The following DCAF1 variants were observed in gnomAD, a reference collection of about 807,000 sequenced individuals.
DCAF1 encodes the protein DDB1- and CUL4-associated factor 1.
DCAF1 carries 15 observed loss-of-function variants against 128.0 expected under a neutral mutation model. The ratio of observed to expected loss-of-function variants is 0.12; its 90% CI spans 0.08 to 0.18. DCAF1 has a LOEUF of 0.18. DCAF1 is among the 10% of genes least tolerant of loss of function. The pLI, the probability that DCAF1 is intolerant of heterozygous loss-of-function variation, is 1.00. For missense variants in DCAF1, 988 were observed against 1,649.5 expected (o/e 0.60, Z 6.95); for synonymous variants, 610 against 603.0 (o/e 1.01, Z -0.17).
chr3:51,422,752 T>C (rs1445703046), intron 13 of DCAF1, among the ~76,000 whole-genome samples: 1 of 152,084 alleles, frequency 6.6e-6, no homozygotes, highest in Non-Finnish European at 1.5e-5. Context: ...GAGTAGAAAT[T>C]AGTACACTCT....
At chr3:51,491,180 C>G (rs924400520) in intron 2 of DCAF1, among the ~76,000 whole-genome samples, 1 of 151,270 alleles carries the variant, frequency 6.6e-6, no homozygotes, top group Non-Finnish European at 1.5e-5. Context: ...AAACCCCATC[C>G]CCAGTAAAAA....
At chr3:51,433,299 T>C (rs2107587147) in intron 9 of DCAF1, 35 bp from the exon 10 acceptor site, 2 of 398,426 alleles carry the variant, frequency 5.0e-6, no homozygotes, top group East Asian at 3.6e-5. Flanking sequence ...CACAAAATAA[T>C]CTAGAAAATT....
intron 6 of DCAF1, among the ~76,000 whole-genome samples, chr3:51,446,996 T>TAATAATAATAATAAA (rs1701931387): frequency 1.4e-5 from 2 of 148,080 alleles, no homozygotes; most frequent in African/African-American, 2.5e-5. Context: ...ATAATAATAA[T>TAATAATAATAATAAA]AATAAAATGT....
upstream of DCAF1, among the ~76,000 whole-genome samples, chr3:51,505,009 C>A (rs1708906974): frequency 6.6e-6 from 1 of 152,030 alleles, no homozygotes; most frequent in African/African-American, 2.4e-5. Flanking sequence ...ACGCCATAAT[C>A]CCAGCACTTT....
intron 6 of DCAF1, among the ~76,000 whole-genome samples, chr3:51,462,250 T>C (rs1703676583): frequency 6.6e-6 from 1 of 151,258 alleles, no homozygotes; most frequent in South Asian, 2.1e-4. Context: ...GGTGAAACGC[T>C]GTCTCTACTA....
intron 6 of DCAF1, among the ~76,000 whole-genome samples, chr3:51,454,924 C>T (rs1361563820): frequency 3.3e-5 from 5 of 152,160 alleles, no homozygotes; most frequent in African/African-American, 9.7e-5. Context: ...CTGCCCACCT[C>T]GGCCTCCCAA....
chr3:51,434,131 G>A (rs1271401306), intron 9 of DCAF1, among the ~76,000 whole-genome samples: 3 of 151,746 alleles, frequency 2.0e-5, no homozygotes, highest in Non-Finnish European at 4.4e-5. Flanking sequence ...GTCAGGCAGG[G>A]TGTCTCACTC....
At chr3:51,430,451 G>GCCAACAAAT (rs1700267710) in intron 10 of DCAF1, among the ~76,000 whole-genome samples, 1 of 152,154 alleles carries the variant, frequency 6.6e-6, no homozygotes, top group Non-Finnish European at 1.5e-5. Flanking sequence ...CTTACTGAGT[G>GCCAACAAAT]CCAACAAATA....
intron 6 of DCAF1, among the ~76,000 whole-genome samples, chr3:51,448,757 C>T (rs1475939664): frequency 2.6e-5 from 4 of 152,120 alleles, no homozygotes; most frequent in Admixed American, 6.6e-5. Context: ...CTTTCAATTA[C>T]GATTAAGACA....
At chr3:51,427,129 G>A (rs782564443) in intron 13 of DCAF1, among the ~76,000 whole-genome samples, 1 of 152,126 alleles carries the variant, frequency 6.6e-6, no homozygotes, top group Admixed American at 6.6e-5. Flanking sequence ...TACCTTCTCC[G>A]ACAGTACAGA....
In DCAF1 at chr3:51,404,405, G is replaced by T. The variant is rs187106689; in HGVS notation, c.4213-1010C>A. Among the ~76,000 whole-genome samples, 592 of 152,128 alleles carry T rather than the reference G, an allele frequency of 3.9e-3. 4 individuals carry two copies. The highest frequency in any genetic ancestry group is 7.7e-3 in the Admixed American group (118 of 15,302). On this transcript the variant is annotated intron_variant, in intron 23 of 24. Transcript: ENST00000684031. Reference sequence around the variant, plus strand: ...ACGTAAGCACAAAAAAATTTTTTTTGTTCTTATTATTTTAAAACTTATACT... The same window carrying T: ...ACGTAAGCACAAAAAAATTTTTTTTTTTCTTATTATTTTAAAACTTATACT...
intron 23 of DCAF1, among the ~76,000 whole-genome samples, chr3:51,406,030 T>C (rs1439911674): frequency 1.3e-5 from 2 of 151,800 alleles, no homozygotes; most frequent in Non-Finnish European, 2.9e-5. Context: ...TGAGATCCCA[T>C]TTCTTTGAAA....
intron 3 of DCAF1, among the ~76,000 whole-genome samples, chr3:51,483,451 A>C (rs1559568845): frequency 6.6e-6 from 1 of 152,114 alleles, no homozygotes; most frequent in Admixed American, 6.6e-5. Context: ...AAAAAAAAAA[A>C]TTAAATTAAA....
At chr3:51,471,797 G>T (rs1227803624) in intron 3 of DCAF1, among the ~76,000 whole-genome samples, 1 of 151,962 alleles carries the variant, frequency 6.6e-6, no homozygotes, top group Non-Finnish European at 1.5e-5. Context: ...AACCTGGGAG[G>T]TGGAGGTTGC....
At chr3:51,400,245 G>T (rs1460691362) in intron 24 of DCAF1, among the ~76,000 whole-genome samples, 1 of 152,206 alleles carries the variant, frequency 6.6e-6, no homozygotes, top group Non-Finnish European at 1.5e-5. Flanking sequence ...CTCCTCTGCT[G>T]TAAGAGCTCC....
upstream of DCAF1, among the ~76,000 whole-genome samples, chr3:51,502,518 C>T (rs2108656586): frequency 6.6e-6 from 1 of 152,186 alleles, no homozygotes. Flanking sequence ...CATTGTGCCA[C>T]TGCACTCCAG....
intron 6 of DCAF1, among the ~76,000 whole-genome samples, chr3:51,447,259 A>C (rs1449608975): frequency 2.0e-5 from 3 of 151,830 alleles, no homozygotes; most frequent in African/African-American, 4.8e-5. Context: ...AAATTACAAA[A>C]ATTGGCTGGG....
In DCAF1 at chr3:51,441,385, C is replaced by T; in HGVS notation, c.1026G>A (p.Glu342=). The change falls in exon 8 of 25, where the codon GAG becomes GAA. Residue 342 remains glutamate, a splice_region_variant and synonymous_variant. Coordinates refer to ENST00000684031, the MANE Select transcript of DCAF1 (RefSeq NM_001387579.1). ...ACAGTACTCTTCCCAATAAGCTTAC[C>T]TCCTGATATTCTCCTAGAGGGGTCA... ...QYLTPLGEYQ[E]LLPIFMQLGS... 1 of 1,610,992 alleles carries T rather than the reference C, an allele frequency of 6.2e-7. No homozygotes were observed. The highest frequency in any genetic ancestry group is 8.5e-7 in the Non-Finnish European group (1 of 1,178,290).
chr3:51,398,933 C>G, intron 24 of DCAF1, 106 bp from the exon 25 acceptor site: 1 of 1,381,510 alleles, frequency 7.2e-7, no homozygotes, highest in East Asian at 2.5e-5. Context: ...GCAAGGTTAA[C>G]TACCAGTTTC....
Sources: gnomAD v4.1 joint callset for allele counts (sites outside exome capture counted in the v4.1 genomes callset) on GRCh38, gnomAD v4.1.1 for gene constraint, MANE v1.5 for transcripts, NCBI Gene and HGNC (gene_info 2026-07-23, HGNC 2026-07-21) for gene names.